The following MCTP1 variants were observed in gnomAD, a reference collection of about 807,000 sequenced individuals.
MCTP1 encodes the protein multiple C2 and transmembrane domain-containing protein 1.
Under a neutral mutation model 120.6 loss-of-function variants are expected in MCTP1, and 69 were observed. The ratio of observed to expected loss-of-function variants is 0.57; its 90% confidence interval spans 0.47 to 0.70. The LOEUF is 0.70. Ranked by LOEUF, MCTP1 falls within the 30% of genes least tolerant of loss-of-function variation. The probability of loss-of-function intolerance (pLI) is 0.00; values close to 1 mark genes in which losing one functional copy is unlikely to be tolerated. For missense variants in MCTP1, 1,203 were observed against 1,248.8 expected, an observed-to-expected ratio of 0.96 and a Z score of 0.55; for synonymous variants, 529 against 493.1, an observed-to-expected ratio of 1.07 and a Z score of -0.96.
chr5:95,147,085 A>AT (rs1002889834), intron 1 of MCTP1, among the ~76,000 whole-genome samples: 8 of 151,458 alleles, frequency 5.3e-5, no homozygotes, highest in Non-Finnish European at 8.8e-5. Context: ...ATTTTATTTT[A>AT]TTTATTTATT....
At chr5:94,767,310 A>C (rs985927110) in intron 19 of MCTP1, among the ~76,000 whole-genome samples, 3 of 152,158 alleles carry the variant, frequency 2.0e-5, no homozygotes, top group African/African-American at 7.2e-5. Flanking sequence ...CAGCTACTAC[A>C]TGGAATGGGG....
intron 1 of MCTP1, among the ~76,000 whole-genome samples, chr5:95,023,762 A>G (rs1838660388): frequency 6.6e-6 from 1 of 152,242 alleles, no homozygotes; most frequent in Admixed American, 6.5e-5. Context: ...GCTTCCAAAC[A>G]TAAAGATATC....
chr5:95,114,006 T>C (rs1259742578), intron 1 of MCTP1, among the ~76,000 whole-genome samples: 2 of 152,164 alleles, frequency 1.3e-5, no homozygotes, highest in Non-Finnish European at 2.9e-5. Flanking sequence ...CAGGTTCTAC[T>C]TGTGGATGAC....
intron 1 of MCTP1, among the ~76,000 whole-genome samples, chr5:95,096,401 T>C (rs1756268625): frequency 6.6e-6 from 1 of 152,102 alleles, no homozygotes; most frequent in Admixed American, 6.5e-5. Context: ...TTATAACCAA[T>C]ACAGCTTCAG....
At chr5:95,230,211 CATATACACATACAT>C (rs779868443) in intron 1 of MCTP1, among the ~76,000 whole-genome samples, 26 of 148,362 alleles carry the variant, frequency 1.8e-4, no homozygotes, top group Non-Finnish European at 3.2e-4. Flanking sequence ...TATACACACA[CATATACACATACAT>C]ATATGTGTGT....
intron 1 of MCTP1, among the ~76,000 whole-genome samples, chr5:95,217,283 GC>G (rs2152586850): frequency 6.6e-6 from 1 of 152,100 alleles, no homozygotes; most frequent in African/African-American, 2.4e-5. Flanking sequence ...TTTTATCAGA[GC>G]TTTCAAGAAT....
At position 94,772,246 on chromosome 5, in the gene MCTP1, G is replaced by A. The variant is rs1042827224; in HGVS notation, c.2610+6864C>T. 1.1e-3 allele frequency among the ~76,000 whole-genome samples: 163 copies of A among 152,272 alleles called. 1 individual carries two copies. Among genetic ancestry groups the A allele is most frequent in the African/African-American group, 3.8e-3 (159 of 41,550 alleles). On this transcript the variant is annotated intron_variant, in intron 19 of 22. Coordinates refer to ENST00000515393, the MANE Select transcript of MCTP1 (RefSeq NM_024717.7). Reference sequence around the variant, plus strand: ...CCCTGTGGTTCTCTTTCTGAGTCTGGTTAATGACAGTGAGAACAAGGGGGT... The same window carrying A: ...CCCTGTGGTTCTCTTTCTGAGTCTGATTAATGACAGTGAGAACAAGGGGGT...
intron 17 of MCTP1, among the ~76,000 whole-genome samples, chr5:94,817,731 G>C (rs1366997074): frequency 6.6e-6 from 1 of 152,176 alleles, no homozygotes; most frequent in Non-Finnish European, 1.5e-5. Flanking sequence ...GGATCGATTT[G>C]TATTTATACA....
At chr5:95,024,731 G>T (rs1046869021) in intron 1 of MCTP1, among the ~76,000 whole-genome samples, 3 of 151,636 alleles carry the variant, frequency 2.0e-5, no homozygotes, top group Non-Finnish European at 2.9e-5. Flanking sequence ...CATTAAAGTT[G>T]CAGGAGACAA....
At chr5:94,767,743 C>A (rs1773123912) in intron 19 of MCTP1, among the ~76,000 whole-genome samples, 1 of 152,012 alleles carries the variant, frequency 6.6e-6, no homozygotes, top group African/African-American at 2.4e-5. Context: ...CTAAAAAATA[C>A]TAATGAAAGG....
intron 1 of MCTP1, among the ~76,000 whole-genome samples, chr5:95,272,782 A>G (rs191250688): frequency 6.6e-6 from 1 of 152,212 alleles, no homozygotes; most frequent in African/African-American, 2.4e-5. Context: ...CAAAAGCACC[A>G]GCCTGAGTGT....
At chr5:94,988,590 T>G (rs1318319357) in intron 2 of MCTP1, among the ~76,000 whole-genome samples, 1 of 135,278 alleles carries the variant, frequency 7.4e-6, no homozygotes, top group Non-Finnish European at 1.5e-5. Context: ...AATAATTCCC[T>G]GTGTGTGTTT....
intron 1 of MCTP1, among the ~76,000 whole-genome samples, chr5:95,059,708 GA>G (rs1269399224): frequency 6.2e-4 from 79 of 126,688 alleles, no homozygotes; most frequent in African/African-American, 2.3e-3. Flanking sequence ...TCAGAAATAA[GA>G]GGAGAAGAGT....
intron 19 of MCTP1, among the ~76,000 whole-genome samples, chr5:94,738,660 T>G (rs1417332808): frequency 2.0e-5 from 3 of 152,192 alleles, no homozygotes; most frequent in African/African-American, 7.2e-5. Flanking sequence ...ATTCTGAGAA[T>G]GATGATTGTC....
chr5:94,928,263 A>G (rs182190003), intron 6 of MCTP1, among the ~76,000 whole-genome samples: 2 of 149,648 alleles, frequency 1.3e-5, no homozygotes, highest in East Asian at 4.0e-4. Flanking sequence ...TAAAACCATA[A>G]CTGCTTATTG....
intron 1 of MCTP1, among the ~76,000 whole-genome samples, chr5:95,242,535 T>A (rs938192901): frequency 3.3e-5 from 5 of 152,258 alleles, no homozygotes; most frequent in Middle Eastern, 3.4e-3. Flanking sequence ...TTGAAGTATA[T>A]CTGTACGTTG....
At chr5:95,279,859 C>T (rs935822165) in intron 1 of MCTP1, among the ~76,000 whole-genome samples, 1 of 152,198 alleles carries the variant, frequency 6.6e-6, no homozygotes, top group Non-Finnish European at 1.5e-5. Flanking sequence ...CCTAAGGTCT[C>T]ATCTACCCTC....
chr5:94,736,336 T>G (rs992597675), intron 19 of MCTP1, among the ~76,000 whole-genome samples: 1 of 151,974 alleles, frequency 6.6e-6, no homozygotes, highest in South Asian at 2.1e-4. Flanking sequence ...GAAAAAAAAC[T>G]AGCTGGGCTT....
intron 18 of MCTP1, among the ~76,000 whole-genome samples, chr5:94,786,671 CTG>C (rs1428965469): frequency 6.6e-6 from 1 of 152,106 alleles, no homozygotes; most frequent in Non-Finnish European, 1.5e-5. Flanking sequence ...ATGTAGTGTA[CTG>C]TGTGATTGCT....
Sources: gnomAD v4.1 joint callset for allele counts (sites outside exome capture counted in the v4.1 genomes callset) on GRCh38, gnomAD v4.1.1 for gene constraint, MANE v1.5 for transcripts, NCBI Gene and HGNC (gene_info 2026-07-23, HGNC 2026-07-21) for gene names.